PSIP1: variants seen among roughly 807,000 people sequenced by gnomAD.
PSIP1 encodes PC4 and SRSF1 interacting protein 1.
A neutral mutation model predicts 74.7 loss-of-function variants in PSIP1; 19 were observed. The observed-to-expected ratio is 0.25, with a 90% CI of 0.18 to 0.37. The LOEUF is 0.37. Among genes scored for constraint, PSIP1 ranks in the 10% least tolerant of loss-of-function variants. The pLI is 1.00. For synonymous variants in PSIP1, 222 were observed against 195.3 expected, an observed-to-expected ratio of 1.14 and a Z score of -1.14; for missense variants, 601 against 614.3, an observed-to-expected ratio of 0.98 and a Z score of 0.23.
chr9:15,496,960 T>C (rs907517012), intron 3 of PSIP1, among the ~76,000 whole-genome samples: 1 of 152,188 alleles, frequency 6.6e-6, no homozygotes, highest in African/African-American at 2.4e-5. Flanking sequence ...GGAACCCTCC[T>C]ACAATTGCTG....
intron 8 of PSIP1, among the ~76,000 whole-genome samples, chr9:15,478,060 T>C (rs2036170090): frequency 6.7e-6 from 1 of 150,060 alleles, no homozygotes; most frequent in African/African-American, 2.5e-5. Context: ...AGCCCAGGAG[T>C]TTGAGGTTAC....
intron 15 of PSIP1, among the ~76,000 whole-genome samples, chr9:15,466,107 T>C (rs890810200): frequency 8.6e-5 from 13 of 151,892 alleles, no homozygotes; most frequent in African/African-American, 2.9e-4. Context: ...TGGCCGGGCA[T>C]GTTGGCTCAC....
intron 7 of PSIP1, among the ~76,000 whole-genome samples, chr9:15,478,966 T>C (rs957863039): frequency 6.6e-6 from 1 of 152,090 alleles, no homozygotes; most frequent in African/African-American, 2.4e-5. Context: ...CTATTAATTT[T>C]ATCCACTGCA....
At chr9:15,507,035 C>A (rs1406481064) in intron 2 of PSIP1, among the ~76,000 whole-genome samples, 1 of 152,146 alleles carries the variant, frequency 6.6e-6, no homozygotes, top group Admixed American at 6.6e-5. Context: ...GGAGTCTGAA[C>A]CTATTTGACA....
At chr9:15,508,590 G>A (rs539966515) in intron 2 of PSIP1, among the ~76,000 whole-genome samples, 1 of 151,936 alleles carries the variant, frequency 6.6e-6, no homozygotes, top group Non-Finnish European at 1.5e-5. Context: ...CATGCAAATC[G>A]GAATATAGAT....
chr9:15,466,704 G>C (rs781133222), intron 15 of PSIP1, 44 bp downstream of exon 15: 2 of 1,466,324 alleles, frequency 1.4e-6, no homozygotes, highest in East Asian at 2.3e-5. Context: ...TTAAAAACCT[G>C]AATAATAAAA....
intron 6 of PSIP1, among the ~76,000 whole-genome samples, chr9:15,480,292 A>G (rs2132089140): frequency 6.6e-6 from 1 of 152,342 alleles, no homozygotes; most frequent in Middle Eastern, 3.4e-3. Flanking sequence ...AGCAGTTGGT[A>G]CTGATCATAA....
intron 2 of PSIP1, 103 bp downstream of exon 2, chr9:15,510,014 G>C: frequency 8.5e-7 from 1 of 1,176,848 alleles, no homozygotes; most frequent in Non-Finnish European, 1.2e-6. Context: ...AGACTAAAGC[G>C]AGGGAGAGAA....
At chr9:15,478,682 C>T in intron 7 of PSIP1, 130 bp from the exon 8 acceptor site, 1 of 597,832 alleles carries the variant, frequency 1.7e-6, no homozygotes, top group Non-Finnish European at 2.8e-6. Flanking sequence ...ACAATTATTG[C>T]TAAATTGAAA....
At chr9:15,470,031 A>G in intron 10 of PSIP1, 38 bp from the exon 11 acceptor site, 1 of 1,523,364 alleles carries the variant, frequency 6.6e-7, no homozygotes, top group Non-Finnish European at 9.0e-7. Context: ...ACACATTGGA[A>G]TTTTGTGACT....
intron 5 of PSIP1, among the ~76,000 whole-genome samples, chr9:15,486,401 A>G (rs1238839978): frequency 6.6e-6 from 1 of 152,212 alleles, no homozygotes; most frequent in Non-Finnish European, 1.5e-5. Context: ...TGGGACATTG[A>G]AGATCATCTA....
rs1477823859 is a variant in PSIP1, at chr9:15,468,717, C to G, written c.1333G>C (p.Ala445Pro). The G allele has an allele frequency of 6.2e-7, 1 of 1,614,096 alleles. No individual in the cohort carries two copies. Among genetic ancestry groups the G allele is most frequent in the South Asian group, 1.1e-5 (1 of 91,076 alleles). ...GCTTCCTCATGCTGTCTTTGTTCAG[C>G]AAGAGATTTATTCAGCACTTGGGTG... ...VITQVLNKSLAEQRQHEEANK... is the reference protein window; with the variant it reads ...VITQVLNKSLPEQRQHEEANK... The change falls in exon 14 of 16, where the codon GCT becomes CCT. Residue 445 changes from alanine to proline, a missense_variant. Physicochemically the swap from Ala to Pro is conservative, Grantham distance 27. Transcript: ENST00000380733.
intron 3 of PSIP1, among the ~76,000 whole-genome samples, chr9:15,497,451 C>A (rs1407664071): frequency 6.6e-6 from 1 of 151,688 alleles, no homozygotes; most frequent in Non-Finnish European, 1.5e-5. Context: ...CTTAGCCTCC[C>A]AAGTAGCTGG....
In PSIP1 at chr9:15,510,194, G is replaced by C. The variant is rs1350499918; in HGVS notation, c.-6C>G. ...GGTTTGAAATCGCGAGTCATGTTTC[G>C]GGGGCGAGACCGGGGGTCCGAAGCC... On this transcript the variant is annotated 5_prime_UTR_variant, in exon 2 of 16. Coordinates refer to ENST00000380733, the MANE Select transcript of PSIP1 (RefSeq NM_033222.5). 2 of 1,603,248 alleles carry C rather than the reference G, an allele frequency of 1.2e-6. No homozygotes were observed. The highest frequency in any genetic ancestry group is 1.7e-6 in the Non-Finnish European group (2 of 1,175,456).
In PSIP1 at chr9:15,468,950, C is replaced by A. The variant is rs1283584438; in HGVS notation, c.1206+7G>T. On this transcript the variant is annotated splice_region_variant and intron_variant, in intron 13 of 15. Transcript: ENST00000380733. ...TCAAAGAATCCACATGACTTGAAAT[C>A]ACTTACTTTTTTCAGTGTAGTAATC... is the stretch of plus-strand genomic sequence containing the variant. 3 of 1,612,046 alleles carry A rather than the reference C, an allele frequency of 1.9e-6. No homozygotes were observed. The South Asian group carries it at 3.3e-5, about 18-fold the overall frequency.
intron 7 of PSIP1, among the ~76,000 whole-genome samples, chr9:15,479,358 AG>A (rs2036237587): frequency 6.6e-6 from 1 of 152,226 alleles, no homozygotes; most frequent in African/African-American, 2.4e-5. Flanking sequence ...ACCTCCCCAC[AG>A]CCTCTCTTAC....
chr9:15,495,228 T>C (rs965761039), intron 3 of PSIP1, among the ~76,000 whole-genome samples: 4 of 151,006 alleles, frequency 2.6e-5, no homozygotes, highest in African/African-American at 9.7e-5. Context: ...CAAATATTTA[T>C]TTTTTTTTAA....
chr9:15,468,443 G>A, intron 14 of PSIP1, 187 bp downstream of exon 14: 2 of 777,652 alleles, frequency 2.6e-6, no homozygotes, highest in Non-Finnish European at 2.3e-6. Flanking sequence ...AAACTGACAT[G>A]ATTTTTTGTT....
chr9:15,467,112 ACTAT>A lies in PSIP1; in HGVS notation c.1421-257_1421-254del, dbSNP rs531793583. Among the ~76,000 whole-genome samples, 109 of 152,328 alleles carry A rather than the reference ACTAT, an allele frequency of 7.2e-4. 2 individuals are homozygous for A. The South Asian group carries it at 0.016, about 23-fold the overall frequency. On this transcript the variant is annotated intron_variant, in intron 14 of 15. Coordinates refer to ENST00000380733, the MANE Select transcript of PSIP1 (RefSeq NM_033222.5). Reference sequence around the variant, plus strand: ...CTAAGGCACCATAAAAAGCAGGTTAACTATCTATGAGTACAGGAAGTGGATTATT... The same window carrying A: ...CTAAGGCACCATAAAAAGCAGGTTAACTATGAGTACAGGAAGTGGATTATT...
Sources: gnomAD v4.1 joint callset for allele counts (sites outside exome capture counted in the v4.1 genomes callset) on GRCh38, gnomAD v4.1.1 for gene constraint, MANE v1.5 for transcripts, NCBI Gene and HGNC (gene_info 2026-07-23, HGNC 2026-07-21) for gene names.